Variants in KCNMB2 observed in about 807,000 individuals in gnomAD.
KCNMB2 encodes potassium calcium-activated channel subfamily M regulatory beta subunit 2, also known as calcium-activated potassium channel subunit beta-2.
KCNMB2 carries 9 observed loss-of-function variants against 24.5 expected under a neutral mutation model. That is an observed-to-expected ratio of 0.37 (90% CI 0.22 to 0.64). The LOEUF (loss-of-function observed/expected upper bound fraction) is 0.64, where lower values mean the gene tolerates loss of function less well. Among genes scored for constraint, KCNMB2 ranks in the 30% least tolerant of loss-of-function variants. KCNMB2 has a pLI of 0.63. For synonymous variants in KCNMB2, 109 were observed against 104.4 expected (o/e 1.04, Z -0.27); for missense variants, 226 against 284.3 (o/e 0.79, Z 1.47).
intron 1 of KCNMB2, among the ~76,000 whole-genome samples, chr3:178,760,285 T>G (rs1347570030): frequency 1.0e-5 from 1 of 95,502 alleles, no homozygotes; most frequent in African/African-American, 3.6e-5. Flanking sequence ...TATATCTATA[T>G]ATAGATATAT....
chr3:178,574,710 A>C (rs1226314727), intron 1 of KCNMB2, among the ~76,000 whole-genome samples: 1 of 152,182 alleles, frequency 6.6e-6, no homozygotes, highest in Non-Finnish European at 1.5e-5. Flanking sequence ...TCTAGATTTT[A>C]TCCTTCATTC....
intron 2 of KCNMB2, among the ~76,000 whole-genome samples, chr3:178,809,356 T>C (rs1714097057): frequency 6.6e-6 from 1 of 152,234 alleles, no homozygotes; most frequent in African/African-American, 2.4e-5. Context: ...TTTGCTACTT[T>C]TTATGAACAA....
rs1322613817 is a variant in KCNMB2, at chr3:178,757,765, T to C, written c.-67-49578T>C. Among the ~76,000 whole-genome samples the C allele has an allele frequency of 1.4e-4, 17 of 118,968 alleles. 3 individuals carry two copies. Among genetic ancestry groups the C allele is most frequent in the East Asian group, 5.0e-4 (2 of 3,976 alleles). 78.0% of individuals were successfully genotyped at this position (118,968 alleles called of 152,430 possible). A position where few individuals can be genotyped will look rare whatever the true frequency, so the allele number is the denominator to read the frequency against. Reference sequence around the variant, plus strand: ...ATATATATATAAGAGGATATATATATATATCCAAGAGGATATATATACATA... The same window carrying C: ...ATATATATATAAGAGGATATATATACATATCCAAGAGGATATATATACATA... On this transcript the variant is annotated intron_variant, in intron 1 of 4. Transcript: ENST00000452583.
At chr3:178,759,749 TATATCTATATATATATATCCAA>T (rs1711654590) in intron 1 of KCNMB2, among the ~76,000 whole-genome samples, 1 of 17,886 alleles carries the variant, frequency 5.6e-5, no homozygotes, top group African/African-American at 5.4e-4. Context: ...TCCAAGAGGA[TATATCTATATATATATATCCAA>T]GAGGATATAT....
At chr3:178,820,483 C>A (rs1017077039) in intron 2 of KCNMB2, 1 of 153,020 alleles carries the variant, frequency 6.5e-6, no homozygotes. Context: ...CTGCCTTAAC[C>A]TGAATACTTT....
At chr3:178,759,695 TACAC>T (rs1295061617) in intron 1 of KCNMB2, among the ~76,000 whole-genome samples, 2 of 92,554 alleles carry the variant, frequency 2.2e-5, no homozygotes, top group Admixed American at 1.3e-4. Flanking sequence ...AGGATATATA[TACAC>T]ATATATATAT....
intron 1 of KCNMB2, among the ~76,000 whole-genome samples, chr3:178,664,228 G>A (rs1017891953): frequency 1.3e-5 from 2 of 151,870 alleles, no homozygotes; most frequent in Non-Finnish European, 2.9e-5. Flanking sequence ...GGAGGAGGAG[G>A]GTCAAGATTA....
At chr3:178,760,999 GA>G (rs1180766381) in intron 1 of KCNMB2, among the ~76,000 whole-genome samples, 2 of 152,098 alleles carry the variant, frequency 1.3e-5, no homozygotes, top group Non-Finnish European at 2.9e-5. Flanking sequence ...TCGGCATTAA[GA>G]AATTGGATAA....
chr3:178,749,689 T>C (rs915760500), intron 1 of KCNMB2, among the ~76,000 whole-genome samples: 1 of 152,232 alleles, frequency 6.6e-6, no homozygotes, highest in Non-Finnish European at 1.5e-5. Flanking sequence ...CTTAAAGCAA[T>C]ACACTTGGAT....
intron 1 of KCNMB2, among the ~76,000 whole-genome samples, chr3:178,706,439 T>A (rs1722280051): frequency 1.3e-5 from 2 of 152,006 alleles, no homozygotes; most frequent in African/African-American, 4.8e-5. Context: ...TGTGTAGAAA[T>A]AACCACATTT....
intron 1 of KCNMB2, among the ~76,000 whole-genome samples, chr3:178,746,019 C>A (rs1208359920): frequency 6.6e-6 from 1 of 152,164 alleles, no homozygotes; most frequent in Non-Finnish European, 1.5e-5. Context: ...ATTCTGGGGT[C>A]TGGAGGATGG....
chr3:178,723,660 C>T (rs1331093827), intron 1 of KCNMB2, among the ~76,000 whole-genome samples: 1 of 152,108 alleles, frequency 6.6e-6, no homozygotes, highest in East Asian at 1.9e-4. Flanking sequence ...TCTTTTGGAA[C>T]TCCCAGTGTC....
chr3:178,593,619 A>G (rs9818922), intron 1 of KCNMB2, among the ~76,000 whole-genome samples: 4,546 of 151,862 alleles, frequency 0.03, 228 homozygotes, highest in African/African-American at 0.1. Context: ...TTTGTTGACC[A>G]ATAGTTATTT....
At chr3:178,623,103 CA>C (rs992221395) in intron 1 of KCNMB2, among the ~76,000 whole-genome samples, 2 of 152,016 alleles carry the variant, frequency 1.3e-5, no homozygotes, top group Non-Finnish European at 2.9e-5. Context: ...CACCTACACA[CA>C]AAAAAATGAT....
chr3:178,560,417 A>G (rs1716275316), intron 1 of KCNMB2, among the ~76,000 whole-genome samples: 1 of 152,196 alleles, frequency 6.6e-6, no homozygotes, highest in Admixed American at 6.5e-5. Flanking sequence ...GAAAACAAAT[A>G]ATGCAAAATT....
At chr3:178,706,218 T>G (rs750469852) in intron 1 of KCNMB2, among the ~76,000 whole-genome samples, 1 of 152,158 alleles carries the variant, frequency 6.6e-6, no homozygotes, top group Non-Finnish European at 1.5e-5. Context: ...CACAAAGTAC[T>G]GAGTCTTGAA....
At chr3:178,645,121 G>A (rs896478793) in intron 1 of KCNMB2, among the ~76,000 whole-genome samples, 2 of 147,228 alleles carry the variant, frequency 1.4e-5, no homozygotes, top group African/African-American at 5.1e-5. Context: ...CGCAATCTCG[G>A]CTCACAACAA....
intron 1 of KCNMB2, among the ~76,000 whole-genome samples, chr3:178,551,713 C>A (rs1170806883): frequency 6.6e-6 from 1 of 152,190 alleles, no homozygotes; most frequent in Non-Finnish European, 1.5e-5. Context: ...TTGTACTAGG[C>A]ATTTTACCTG....
chr3:178,794,232 G>A (rs1713442179), intron 1 of KCNMB2, among the ~76,000 whole-genome samples: 1 of 152,126 alleles, frequency 6.6e-6, no homozygotes, highest in Non-Finnish European at 1.5e-5. Flanking sequence ...GGGTCATTCT[G>A]TAGCTTCGTG....
Sources: gnomAD v4.1 joint callset for allele counts (sites outside exome capture counted in the v4.1 genomes callset) on GRCh38, gnomAD v4.1.1 for gene constraint, MANE v1.5 for transcripts, NCBI Gene and HGNC (gene_info 2026-07-23, HGNC 2026-07-21) for gene names.